ADAMTS20: variants seen among roughly 807,000 people sequenced by gnomAD.
ADAMTS20 encodes A disintegrin and metalloproteinase with thrombospondin motifs 20.
ADAMTS20 carries 225 observed loss-of-function variants against 260.1 expected under a neutral mutation model. That is an observed-to-expected ratio of 0.87 (90% CI 0.78 to 0.97). ADAMTS20 has a LOEUF of 0.97. Among genes scored for constraint, ADAMTS20 ranks in the 50% least tolerant of loss-of-function variants. The probability of loss-of-function intolerance (pLI) is 0.00; values close to 1 mark genes in which losing one functional copy is unlikely to be tolerated. For missense variants in ADAMTS20, 2,400 were observed against 2,337.7 expected (o/e 1.03, Z -0.55); for synonymous variants, 802 against 769.5 (o/e 1.04, Z -0.70).
chr12:43,410,170 A>C (rs567489562), intron 28 of ADAMTS20, among the ~76,000 whole-genome samples: 1 of 152,264 alleles, frequency 6.6e-6, no homozygotes, highest in South Asian at 2.1e-4. Context: ...GTAAACCAAA[A>C]AAAGAGAAAC....
rs1172094287 is a variant in ADAMTS20 at position 43,452,670 on chromosome 12, C to A, written c.1786G>T (p.Val596Leu). Residue 596 changes from valine (V) to leucine (L), a missense_variant, in exon 13 of 39, where the codon GTG becomes TTG. Transcript: ENST00000389420. ...GATCGAAATTTCATCCTGCGGCCCA[C>A]ACAGTAATTTCCTCCGTTTCTTGGC... Reference protein sequence around the residue: ...PEPRNGGNYCVGRRMKFRSCN... With the variant: ...PEPRNGGNYCLGRRMKFRSCN... 2 of 1,609,524 alleles carry A rather than the reference C, an allele frequency of 1.2e-6. No individual in the cohort carries two copies. The highest frequency in any genetic ancestry group is 2.7e-5 in the African/African-American group (2 of 74,888).
chr12:43,352,951 T>C (rs1214701558), downstream of ADAMTS20, among the ~76,000 whole-genome samples: 1 of 152,190 alleles, frequency 6.6e-6, no homozygotes, highest in Non-Finnish European at 1.5e-5. Flanking sequence ...AACAAAATTG[T>C]ATTAGAGCTT....
chr12:43,447,528 C>T (rs1242019903), intron 14 of ADAMTS20, among the ~76,000 whole-genome samples: 2 of 152,094 alleles, frequency 1.3e-5, no homozygotes, highest in African/African-American at 2.4e-5. Flanking sequence ...AAACCCACAA[C>T]AGCTATTATA....
At chr12:43,358,508 C>G (rs1206353220) in intron 37 of ADAMTS20, among the ~76,000 whole-genome samples, 6 of 152,164 alleles carry the variant, frequency 3.9e-5, no homozygotes, top group Admixed American at 1.3e-4. Context: ...ACAGATCTCA[C>G]TCTAAATCTG....
chr12:43,453,821 T>A, intron 12 of ADAMTS20, 86 bp downstream of exon 12: 1 of 1,456,344 alleles, frequency 6.9e-7, no homozygotes, highest in Non-Finnish European at 9.3e-7. Context: ...CGGACTGACC[T>A]CCAGTTTTAG....
At chr12:43,370,467 G>C (rs545699330) in intron 36 of ADAMTS20, among the ~76,000 whole-genome samples, 2 of 152,284 alleles carry the variant, frequency 1.3e-5, no homozygotes, top group South Asian at 4.1e-4. Flanking sequence ...GGCATTTGTG[G>C]ATTATGCTGG....
rs1163371458 is a variant in ADAMTS20 at position 43,452,638 on chromosome 12, A to G, written c.1818T>C (p.Asn606=). 6.2e-7 allele frequency: 1 copy of G among 1,612,758 alleles called. No homozygotes were observed. The highest frequency in any genetic ancestry group is 1.1e-5 in the South Asian group (1 of 90,948). ...GTGTGCCTTTTGGACATGAATCAGT[A>G]TTACATGATCGAAATTTCATCCTGC... is the stretch of plus-strand genomic sequence containing the variant. ...VGRRMKFRSC[N]TDSCPKGTQD... is the part of the protein sequence containing the mutation. Residue 606 remains asparagine (N), a synonymous_variant, in exon 13 of 39, where the codon AAT becomes AAC. Coordinates refer to ENST00000389420, the MANE Select transcript of ADAMTS20 (RefSeq NM_025003.5).
chr12:43,545,980 C>T (rs1943436582), intron 2 of ADAMTS20, among the ~76,000 whole-genome samples: 1 of 152,034 alleles, frequency 6.6e-6, no homozygotes, highest in Admixed American at 6.6e-5. Flanking sequence ...ACTAGTATTG[C>T]AGCAAGTACA....
At chr12:43,542,155 G>A (rs551126257) in intron 2 of ADAMTS20, among the ~76,000 whole-genome samples, 26 of 152,276 alleles carry the variant, frequency 1.7e-4, no homozygotes, top group Admixed American at 1.0e-3. Context: ...AAATGGCCAC[G>A]TTCTTGTGGG....
At chr12:43,354,347 CTGTATG>C (rs1486392338) in intron 38 of ADAMTS20, 49 bp from the exon 39 acceptor site, 1 of 1,380,778 alleles carries the variant, frequency 7.2e-7, no homozygotes, top group Admixed American at 2.0e-5. Flanking sequence ...AAGCTGGTAT[CTGTATG>C]CAAATAGCAG....
intron 18 of ADAMTS20, among the ~76,000 whole-genome samples, chr12:43,436,067 A>G (rs79407731): frequency 3.9e-5 from 6 of 152,220 alleles, no homozygotes; most frequent in Admixed American, 1.3e-4. Flanking sequence ...GAAAACGCAT[A>G]AACGTAAAAG....
chr12:43,487,144 T>C (rs937278145), intron 7 of ADAMTS20, among the ~76,000 whole-genome samples: 4 of 152,130 alleles, frequency 2.6e-5, no homozygotes, highest in Non-Finnish European at 4.4e-5. Flanking sequence ...TCAGCACAAT[T>C]CACAACTGCA....
intron 4 of ADAMTS20, among the ~76,000 whole-genome samples, chr12:43,499,593 T>A (rs528057848): frequency 1.3e-5 from 2 of 151,918 alleles, no homozygotes; most frequent in South Asian, 4.2e-4. Flanking sequence ...CAACCTCTGA[T>A]TCCCAGGTTC....
rs1943526045 is a variant in ADAMTS20, at chr12:43,552,030, G to C, written c.-109C>G. ...TCCTCCCTCTCGCCCGCCGCTCTCC[G>C]CGCCTCAGCAGCCTAGGGAACAGCA... is the stretch of plus-strand genomic sequence containing the variant. On this transcript the variant is annotated 5_prime_UTR_variant, in exon 1 of 39. Coordinates refer to ENST00000389420, the MANE Select transcript of ADAMTS20 (RefSeq NM_025003.5). 2.1e-6 allele frequency: 2 copies of C among 931,524 alleles called. No individual in the cohort carries two copies. The highest frequency in any genetic ancestry group is 3.9e-5 in the Admixed American group (2 of 51,522). 57.7% of individuals were successfully genotyped at this position (931,524 alleles called of 1,614,324 possible). A position where few individuals can be genotyped will look rare whatever the true frequency, so the allele number is the denominator to read the frequency against.
chr12:43,452,678 T>C lies in ADAMTS20; in HGVS notation c.1778A>G (p.Asn593Ser). Residue 593 changes from asparagine to serine, a missense_variant, in exon 13 of 39, where the codon AAT (asparagine) becomes AGT (serine). By Grantham distance (46) the Asn-to-Ser change is conservative. Coordinates refer to ENST00000389420, the MANE Select transcript of ADAMTS20 (RefSeq NM_025003.5). ...TTTCATCCTGCGGCCCACACAGTAA[T>C]TTCCTCCGTTTCTTGGCCTAGTCAA... ...CNRPEPRNGG[N>S]YCVGRRMKFR... 6.2e-7 allele frequency: 1 copy of C among 1,605,388 alleles called. No homozygotes were observed. Among genetic ancestry groups the C allele is most frequent in the Non-Finnish European group, 8.5e-7 (1 of 1,174,354 alleles).
chr12:43,357,715 C>T (rs963938482), intron 37 of ADAMTS20, among the ~76,000 whole-genome samples: 1 of 152,156 alleles, frequency 6.6e-6, no homozygotes, highest in Non-Finnish European at 1.5e-5. Flanking sequence ...AACTCTATGT[C>T]AGTTTCATTG....
rs558197653 is a variant in ADAMTS20 at position 43,380,311 on chromosome 12, C to T, written c.4798-2749G>A. The stretch of plus-strand genomic sequence containing the variant: ...TCTTCAATCTGATAAAGGGAATCTA[C>T]AGAAAATCCATAGTTAGCATACTGA... On this transcript the variant is annotated intron_variant, in intron 31 of 38. Transcript: ENST00000389420. Among the ~76,000 whole-genome samples, 3 of 152,162 alleles carry T rather than the reference C, an allele frequency of 2.0e-5. 1 individual carries two copies. The highest frequency in any genetic ancestry group is 2.1e-4 in the South Asian group (1 of 4,818).
At position 43,369,803 on chromosome 12, in the gene ADAMTS20, G is replaced by T. The variant is rs566853996; in HGVS notation, c.5447-422C>A. Among the ~76,000 whole-genome samples the T allele has an allele frequency of 2.0e-5, 3 of 152,092 alleles. No homozygotes were observed. The South Asian group carries it at 6.2e-4, about 32-fold the overall frequency. ...AACAGCACATACAAAAATTCATTTA[G>T]GTAATTCAAAATCTCTCCACAAAAA... On this transcript the variant is annotated intron_variant, in intron 36 of 38. Coordinates refer to ENST00000389420, the MANE Select transcript of ADAMTS20 (RefSeq NM_025003.5).
At chr12:43,377,714 ACATTAGACAAGTTTCC>A (rs1415391496) in intron 31 of ADAMTS20, among the ~76,000 whole-genome samples, 152 bp from the exon 32 acceptor site, 1 of 152,180 alleles carries the variant, frequency 6.6e-6, no homozygotes, top group Non-Finnish European at 1.5e-5. Context: ...ATAGGTTCAG[ACATTAGACAAGTTTCC>A]CAGAGTTGTA....
Sources: allele counts gnomAD v4.1 joint callset (sites outside exome capture counted in the v4.1 genomes callset), GRCh38; gene constraint gnomAD v4.1.1; transcripts MANE v1.5; gene names NCBI Gene and HGNC (gene_info 2026-07-23, HGNC 2026-07-21).